SYT2: variants seen among roughly 807,000 people sequenced by gnomAD.
SYT2 encodes synaptotagmin-2.
A neutral mutation model predicts 39.9 loss-of-function variants in SYT2; 15 were observed. The observed-to-expected ratio is 0.38, with a 90% CI of 0.25 to 0.58. The LOEUF (loss-of-function observed/expected upper bound fraction) is 0.58, where lower values mean the gene tolerates loss of function less well. SYT2 is among the 20% of genes least tolerant of loss of function. SYT2 has a pLI of 0.70. For synonymous variants in SYT2, 181 were observed against 204.5 expected (o/e 0.89, Z 0.98); for missense variants, 389 against 530.3 (o/e 0.73, Z 2.62).
intron 1 of SYT2, among the ~76,000 whole-genome samples, chr1:202,609,561 G>T (rs1165944945): frequency 6.6e-6 from 1 of 152,166 alleles, no homozygotes; most frequent in African/African-American, 2.4e-5. Flanking sequence ...GTTGTTTCCT[G>T]ACTTTTTAAT....
At chr1:202,709,658 GC>G (rs1341602711) in intron 1 of SYT2, among the ~76,000 whole-genome samples, 4 of 152,066 alleles carry the variant, frequency 2.6e-5, no homozygotes, top group African/African-American at 2.4e-5. Flanking sequence ...GGCGCCTCCA[GC>G]CCCTTCTTGG....
intron 3 of SYT2, among the ~76,000 whole-genome samples, chr1:202,604,014 C>T (rs1690612762): frequency 6.6e-6 from 1 of 152,194 alleles, no homozygotes; most frequent in Non-Finnish European, 1.5e-5. Flanking sequence ...TGATGGATTC[C>T]ACTTGGCTCT....
chr1:202,623,241 C>G lies in SYT2; in HGVS notation c.-17-17452G>C, dbSNP rs1691252592. On this transcript the variant is annotated intron_variant, in intron 1 of 8. Transcript: ENST00000367268. The surrounding 1 kb of genome is among the most constrained non-coding windows in gnomAD (Gnocchi z 4.2). ...TGGGAGAGGAGCTGGAGTCCAGGCT[C>G]CCTGGAGAGGGAGTTAATACTGCAG... is the stretch of plus-strand genomic sequence containing the variant. 6.6e-6 allele frequency among the ~76,000 whole-genome samples: 1 copy of G among 152,216 alleles called. No individual in the cohort carries two copies. The highest frequency in any genetic ancestry group is 1.5e-5 in the Non-Finnish European group (1 of 68,030).
chr1:202,696,996 T>G (rs1468762384), intron 1 of SYT2, among the ~76,000 whole-genome samples: 1 of 152,164 alleles, frequency 6.6e-6, no homozygotes, highest in African/African-American at 2.4e-5. Context: ...CCCAGACACA[T>G]GGTCTCATTC....
At chr1:202,648,604 G>C (rs546795999) in intron 1 of SYT2, among the ~76,000 whole-genome samples, 1 of 152,308 alleles carries the variant, frequency 6.6e-6, no homozygotes, top group Non-Finnish European at 1.5e-5. Context: ...TTGCAGCTGA[G>C]ACTGAGATGC....
At chr1:202,659,980 C>T (rs561163617) in intron 1 of SYT2, among the ~76,000 whole-genome samples, 3 of 152,308 alleles carry the variant, frequency 2.0e-5, no homozygotes, top group South Asian at 2.1e-4. Flanking sequence ...GAGCTTGGCA[C>T]GGAGGTCCTT....
intron 1 of SYT2, among the ~76,000 whole-genome samples, chr1:202,634,408 T>G (rs1168795596): frequency 6.6e-6 from 1 of 152,016 alleles, no homozygotes; most frequent in Non-Finnish European, 1.5e-5. Context: ...TCCCAGCTAC[T>G]TGGGAGGCTG....
chr1:202,620,398 C>CCCT (rs1691171220), intron 1 of SYT2, among the ~76,000 whole-genome samples: 3 of 152,124 alleles, frequency 2.0e-5, no homozygotes, highest in Non-Finnish European at 4.4e-5. Context: ...AACAGCCACA[C>CCCT]TTGGCCTGGG....
intron 2 of SYT2, 81 bp downstream of exon 2, chr1:202,605,514 A>T: frequency 7.4e-7 from 1 of 1,354,512 alleles, no homozygotes; most frequent in Non-Finnish European, 1.0e-6. Flanking sequence ...AGCCAATCAC[A>T]TCCCAGTGGT....
chr1:202,605,596 G>C lies in SYT2; in HGVS notation c.177C>G (p.Pro59=), dbSNP rs757364180. ...CTCTCAGCCACCAGAGACACTCACA[G>C]GGAATCTTGTTTATCTCATTGAATA... ...EKLFNEINKI[P]LPPWALIAIA... is the part of the protein sequence containing the mutation. Residue 59 remains proline (P), a splice_region_variant and synonymous_variant, in exon 2 of 9, where the codon CCC becomes CCG. Coordinates refer to ENST00000367268, the MANE Select transcript of SYT2 (RefSeq NM_177402.5). 1 of 1,613,352 alleles carries C rather than the reference G, an allele frequency of 6.2e-7. No individual in the cohort carries two copies. Among genetic ancestry groups the C allele is most frequent in the South Asian group, 1.1e-5 (1 of 91,032 alleles).
intron 1 of SYT2, among the ~76,000 whole-genome samples, chr1:202,613,403 TTG>T (rs765683665): frequency 6.6e-6 from 1 of 151,918 alleles, no homozygotes; most frequent in Admixed American, 6.6e-5. Flanking sequence ...TTCTAATAAT[TTG>T]TGTGTGTGTG....
At chr1:202,629,749 G>A (rs1418241464) in intron 1 of SYT2, among the ~76,000 whole-genome samples, 1 of 151,364 alleles carries the variant, frequency 6.6e-6, no homozygotes, top group Non-Finnish European at 1.5e-5. Context: ...CATGCCTGTC[G>A]TCCCAGCTAC....
intron 1 of SYT2, among the ~76,000 whole-genome samples, chr1:202,643,980 C>G (rs922367392): frequency 1.3e-5 from 2 of 152,052 alleles, no homozygotes; most frequent in Non-Finnish European, 2.9e-5. Context: ...GGGAGGGAAA[C>G]GATTTGCTTC....
intron 1 of SYT2, among the ~76,000 whole-genome samples, chr1:202,637,814 A>G (rs1030720105): frequency 1.3e-5 from 2 of 152,230 alleles, no homozygotes; most frequent in African/African-American, 4.8e-5. Flanking sequence ...TCTGGTCTCC[A>G]AGGACTGCCG....
In SYT2 at chr1:202,605,746, C is replaced by T; in HGVS notation, c.27G>A (p.Gln9=). 1 of 1,614,122 alleles carries T rather than the reference C, an allele frequency of 6.2e-7. No individual in the cohort carries two copies. The highest frequency in any genetic ancestry group is 8.5e-7 in the Non-Finnish European group (1 of 1,180,010). ...TGGTGGCAGGAGCCACAATAGGCTC[C>T]TGGTTCCTCTTGAAAATGTTCCTCA... MRNIFKRN[Q]EPIVAPATTT... The change falls in exon 2 of 9, where the codon CAG becomes CAA. Residue 9 remains glutamine, a synonymous_variant. Transcript: ENST00000367268.
intron 1 of SYT2, among the ~76,000 whole-genome samples, chr1:202,659,795 C>T (rs1164259474): frequency 6.6e-6 from 1 of 152,154 alleles, no homozygotes; most frequent in Non-Finnish European, 1.5e-5. Flanking sequence ...TGGGTACAGC[C>T]CAGGGAGAGG....
chr1:202,596,701 A>G lies in SYT2; in HGVS notation c.*56T>C, dbSNP rs1181468936. On this transcript the variant is annotated 3_prime_UTR_variant, in exon 9 of 9. Transcript: ENST00000367268. Reference sequence around the variant, plus strand: ...CTAAGGTTGCATAACTGAGGTATTGATAGCTCTGGATCTTGTCAGTGTCCG... The same window carrying G: ...CTAAGGTTGCATAACTGAGGTATTGGTAGCTCTGGATCTTGTCAGTGTCCG... 19 of 1,524,958 alleles carry G rather than the reference A, an allele frequency of 1.2e-5. No individual in the cohort carries two copies. The highest frequency in any genetic ancestry group is 1.4e-5 in the Non-Finnish European group (16 of 1,111,600). 94.5% of individuals were successfully genotyped at this position (1,524,958 alleles called of 1,614,324 possible). A position where few individuals can be genotyped will look rare whatever the true frequency, so the allele number is the denominator to read the frequency against.
chr1:202,664,820 C>T (rs562634958), intron 1 of SYT2, among the ~76,000 whole-genome samples: 3 of 152,302 alleles, frequency 2.0e-5, no homozygotes, highest in South Asian at 2.1e-4. Context: ...CCACCATGCC[C>T]AGCTAATTTT....
intron 1 of SYT2, among the ~76,000 whole-genome samples, chr1:202,609,385 A>G (rs1424883522): frequency 6.6e-6 from 1 of 152,212 alleles, no homozygotes; most frequent in Non-Finnish European, 1.5e-5. Flanking sequence ...TCCATGACTT[A>G]TAATCCTTTG....
Sources: allele counts gnomAD v4.1 joint callset (sites outside exome capture counted in the v4.1 genomes callset), GRCh38; gene constraint gnomAD v4.1.1; non-coding constraint Gnocchi (gnomAD v3.1); transcripts MANE v1.5; gene names NCBI Gene and HGNC (gene_info 2026-07-23, HGNC 2026-07-21).